MRPL37: variants seen among roughly 807,000 people sequenced by gnomAD.
MRPL37 encodes large ribosomal subunit protein mL37.
In MRPL37, 34 loss-of-function variants were observed where a neutral mutation model predicts 44.1. The ratio of observed to expected loss-of-function variants is 0.77; its 90% CI spans 0.59 to 1.03. The LOEUF (loss-of-function observed/expected upper bound fraction) is 1.03. Ranked by LOEUF, MRPL37 falls within the 50% of genes least tolerant of loss-of-function variation. The probability of loss-of-function intolerance (pLI) is 0.00; values close to 1 mark genes in which losing one functional copy is unlikely to be tolerated. For missense variants in MRPL37, 532 were observed against 543.7 expected (o/e 0.98, Z 0.21); for synonymous variants, 212 against 219.5 (o/e 0.97, Z 0.30).
chr1:54,213,402 C>CT (rs1331812862), intron 5 of MRPL37, among the ~76,000 whole-genome samples: 6 of 152,154 alleles, frequency 3.9e-5, no homozygotes, highest in African/African-American at 1.4e-4. Context: ...GAGCCTGAGT[C>CT]TTTTCTAGAG....
At position 54,203,333 on chromosome 1, in the gene MRPL37, T is replaced by A. The variant is rs189809949; in HGVS notation, c.347-1685T>A. On this transcript the variant is annotated intron_variant, in intron 1 of 6. Coordinates refer to ENST00000360840, the MANE Select transcript of MRPL37 (RefSeq NM_016491.4). ...CTGGCTACGTATACGCCATCTTTTC[T>A]TGCAAAGTATTTTGGGCAGCTTATT... 1.3e-3 allele frequency among the ~76,000 whole-genome samples: 200 copies of A among 152,154 alleles called. 1 individual carries two copies. The highest frequency in any genetic ancestry group is 3.4e-3 in the Middle Eastern group (1 of 292).
chr1:54,204,922 G>T, intron 1 of MRPL37, 96 bp from the exon 2 acceptor site: 1 of 1,393,922 alleles, frequency 7.2e-7, no homozygotes, highest in Non-Finnish European at 9.7e-7. Flanking sequence ...CTCACTTGAG[G>T]CAGCCTTTTT....
intron 3 of MRPL37, among the ~76,000 whole-genome samples, chr1:54,207,944 A>C (rs972240493): frequency 6.6e-6 from 1 of 152,070 alleles, no homozygotes; most frequent in African/African-American, 2.4e-5. Context: ...AAACCCAAGC[A>C]CCTTCTGAGA....
At chr1:54,207,425 G>A (rs1020155525) in intron 3 of MRPL37, 4 of 152,172 alleles carry the variant, frequency 2.6e-5, no homozygotes, top group Admixed American at 6.5e-5. Context: ...AACCAGCTAC[G>A]GAATGATCTG....
chr1:54,221,041 T>C (rs1490534647), downstream of MRPL37: 1 of 353,386 alleles, frequency 2.8e-6, no homozygotes, highest in African/African-American at 2.1e-5. Context: ...GATCCTCCAC[T>C]TCCTCGCTGG....
At chr1:54,204,156 G>T (rs1196209868) in intron 1 of MRPL37, among the ~76,000 whole-genome samples, 1 of 152,192 alleles carries the variant, frequency 6.6e-6, no homozygotes, top group Non-Finnish European at 1.5e-5. Context: ...GCCTAGGCAG[G>T]CAGATTACTT....
At chr1:54,217,703 G>A (rs1483367843) in intron 6 of MRPL37, among the ~76,000 whole-genome samples, 2 of 152,064 alleles carry the variant, frequency 1.3e-5, no homozygotes, top group African/African-American at 2.4e-5. Flanking sequence ...TCCTACTTCT[G>A]CAGTGGGGTC....
Position 54,200,284 on chromosome 1 carries a change from G to T in MRPL37, c.41G>T (p.Gly14Val), listed in dbSNP as rs774096725. 1.2e-6 allele frequency: 2 copies of T among 1,607,464 alleles called. No homozygotes were observed. The highest frequency in any genetic ancestry group is 2.2e-5 in the South Asian group (2 of 90,712). Residue 14 changes from glycine (G) to valine (V), a missense_variant, in exon 1 of 7, where the codon GGC (glycine) becomes GTC (valine). Gly to Val is a moderately radical substitution (Grantham distance 109). Transcript: ENST00000360840. Reference sequence around the variant, plus strand: ...GGGCCCGCAAGGCGGGCGCTAGCTGGCTCCGGGCAGCTCGGCCTTGGGGGC... The same window carrying T: ...GGGCCCGCAAGGCGGGCGCTAGCTGTCTCCGGGCAGCTCGGCCTTGGGGGC... ...ASGPARRALA[G>V]SGQLGLGGFG...
At chr1:54,222,359 G>A (rs898946929), downstream of MRPL37, among the ~76,000 whole-genome samples, 7 of 152,206 alleles carry the variant, frequency 4.6e-5, no homozygotes, top group Non-Finnish European at 7.3e-5. Context: ...AAGGCCCTGG[G>A]GGGGCAGACA....
Position 54,212,567 on chromosome 1 carries a change from G to C in MRPL37, c.899G>C (p.Arg300Pro). 6.2e-7 allele frequency: 1 copy of C among 1,614,082 alleles called. No homozygotes were observed. The highest frequency in any genetic ancestry group is 8.5e-7 in the Non-Finnish European group (1 of 1,180,024). The change falls in exon 5 of 7, where the codon CGA becomes CCA. Residue 300 changes from arginine to proline, a missense_variant. Arg to Pro is a moderately radical substitution (Grantham distance 103). Transcript: ENST00000360840. ...TACTTACTGGACAAAGCCAATTTAC[G>C]ACCACACCGCCTTCAACCAGATCAG... ...TLYLLDKANL[R>P]PHRLQPDQLR...
At chr1:54,204,958 A>C in intron 1 of MRPL37, 60 bp from the exon 2 acceptor site, 2 of 1,560,760 alleles carry the variant, frequency 1.3e-6, no homozygotes, top group South Asian at 1.2e-5. Flanking sequence ...GGCAGGTGTA[A>C]GCATCTCTTC....
At position 54,200,300 on chromosome 1, in the gene MRPL37, C is replaced by T. The variant is rs1644068086; in HGVS notation, c.57C>T (p.Gly19=). Residue 19 remains glycine (G), a synonymous_variant, in exon 1 of 7, where the codon GGC becomes GGT. Transcript: ENST00000360840. ...RRALAGSGQL[G]LGGFGAPRRG... ...CGCTAGCTGGCTCCGGGCAGCTCGG[C>T]CTTGGGGGCTTCGGGGCCCCGAGAC... The T allele has an allele frequency of 1.2e-6, 2 of 1,612,400 alleles. No homozygotes were observed. The highest frequency in any genetic ancestry group is 1.1e-5 in the South Asian group (1 of 90,962).
chr1:54,210,198 A>G (rs1644154270), intron 4 of MRPL37, 67 bp downstream of exon 4: 2 of 1,509,652 alleles, frequency 1.3e-6, no homozygotes, highest in Non-Finnish European at 1.8e-6. Flanking sequence ...CTGGAGGGAA[A>G]GGATATACTA....
downstream of MRPL37, chr1:54,220,721 C>T (rs952189106): frequency 1.1e-5 from 5 of 471,274 alleles, no homozygotes; most frequent in Non-Finnish European, 2.2e-5. Flanking sequence ...CAGCCAGCCT[C>T]CCGCCCAGTA....
Position 54,205,329 on chromosome 1 carries a change from A to T in MRPL37, c.565A>T (p.Lys189Ter). 2 of 1,614,146 alleles carry T rather than the reference A, an allele frequency of 1.2e-6. No homozygotes were observed. The highest frequency in any genetic ancestry group is 1.7e-6 in the Non-Finnish European group (2 of 1,180,018). The change falls in exon 3 of 7, where the codon AAA becomes TAA. Residue 189 changes from lysine (K) to a stop codon, truncating the protein, a stop_gained. Coordinates refer to ENST00000360840, the MANE Select transcript of MRPL37 (RefSeq NM_016491.4). LOFTEE classifies it high-confidence loss of function. ...CGTGGACAACCTAATACAGCTGTGT[A>T]AATCTCAGATTCTCAAGCATCCTTC... is the stretch of plus-strand genomic sequence containing the variant. Reference protein sequence around the residue: ...VIVDNLIQLCKSQILKHPSLA... With the variant: ...VIVDNLIQLC
downstream of MRPL37, among the ~76,000 whole-genome samples, chr1:54,221,132 G>T (rs371205326): frequency 7.9e-6 from 1 of 126,828 alleles, no homozygotes; most frequent in Non-Finnish European, 1.7e-5. Flanking sequence ...GTTTCAAGTC[G>T]ATGGGTTTGG....
rs898724796 is a variant in MRPL37, at chr1:54,218,185, C to T, written c.1208C>T (p.Pro403Leu). The T allele has an allele frequency of 6.2e-7, 1 of 1,614,184 alleles. No homozygotes were observed. The highest frequency in any genetic ancestry group is 1.7e-5 in the Admixed American group (1 of 60,032). The change falls in exon 7 of 7, where the codon CCA (proline) becomes CTA (leucine). Residue 403 changes from proline to leucine, a missense_variant. Pro to Leu is a moderately conservative substitution (Grantham distance 98). Transcript: ENST00000360840. ...TGTTCTTTCCAGGAACCTGTTGGCC[C>T]AGTTGGTTTCAAGCCAGAGACATTC... is the stretch of plus-strand genomic sequence containing the variant. Reference protein sequence around the residue: ...KKRVVVEPVGPVGFKPETFRK... With the variant: ...KKRVVVEPVGLVGFKPETFRK...
intron 3 of MRPL37, among the ~76,000 whole-genome samples, chr1:54,206,884 G>A (rs926148539): frequency 2.0e-5 from 3 of 148,588 alleles, no homozygotes; most frequent in Admixed American, 1.4e-4. Context: ...ACAGGTACCC[G>A]CCACCATGCC....
intron 3 of MRPL37, 138 bp from the exon 4 acceptor site, chr1:54,209,808 G>A (rs1644151101): frequency 1.2e-6 from 1 of 841,146 alleles, no homozygotes; most frequent in Admixed American, 2.9e-5. Context: ...TGTTGCCCAG[G>A]CTGACCTAGA....
Sources: gnomAD v4.1 joint callset for allele counts (sites outside exome capture counted in the v4.1 genomes callset) on GRCh38, gnomAD v4.1.1 for gene constraint, MANE v1.5 for transcripts, NCBI Gene and HGNC (gene_info 2026-07-23, HGNC 2026-07-21) for gene names.